The following CUL1 variants were observed in gnomAD, a reference collection of about 807,000 sequenced individuals.
The protein encoded by CUL1 is cullin-1.
A neutral mutation model predicts 118.0 loss-of-function variants in CUL1; 24 were observed. That is an observed-to-expected ratio of 0.20 (90% confidence interval 0.15 to 0.29). The LOEUF is 0.29. Among genes scored for constraint, CUL1 ranks in the 10% least tolerant of loss-of-function variants. The probability of loss-of-function intolerance (pLI) is 1.00; values close to 1 mark genes in which losing one functional copy is unlikely to be tolerated. For synonymous variants in CUL1, 332 were observed against 340.4 expected, an observed-to-expected ratio of 0.98 and a Z score of 0.27; for missense variants, 361 against 933.8, an observed-to-expected ratio of 0.39 and a Z score of 7.99.
At chr7:148,728,876 G>C (rs564290346) in intron 1 of CUL1, among the ~76,000 whole-genome samples, 43 of 152,294 alleles carry the variant, frequency 2.8e-4, no homozygotes, top group African/African-American at 8.4e-4. Flanking sequence ...TGAATTACTT[G>C]ACAAGGTAAC....
intron 4 of CUL1, among the ~76,000 whole-genome samples, chr7:148,758,487 C>T (rs1799731010): frequency 2.0e-5 from 3 of 152,052 alleles, no homozygotes; most frequent in South Asian, 2.1e-4. Context: ...GGCATGGTGA[C>T]GCACCTATAG....
intron 9 of CUL1, among the ~76,000 whole-genome samples, chr7:148,773,395 G>A (rs1252546878): frequency 1.3e-5 from 2 of 152,010 alleles, no homozygotes; most frequent in African/African-American, 4.8e-5. Context: ...CTTCTAGAAA[G>A]AGCTGACCTT....
At chr7:148,734,847 A>G (rs904017317) in intron 2 of CUL1, among the ~76,000 whole-genome samples, 1 of 152,102 alleles carries the variant, frequency 6.6e-6, no homozygotes, top group African/African-American at 2.4e-5. Flanking sequence ...TCTTGTTTCC[A>G]GGTCAGGTAC....
intron 21 of CUL1, 112 bp downstream of exon 21, chr7:148,799,500 G>A (rs1801317394): frequency 1.5e-6 from 1 of 679,784 alleles, no homozygotes; most frequent in East Asian, 2.7e-5. Flanking sequence ...TGGCTTCTTT[G>A]TATGTAGATT....
chr7:148,764,961 C>T (rs1379946368), intron 7 of CUL1, among the ~76,000 whole-genome samples: 1 of 152,180 alleles, frequency 6.6e-6, no homozygotes, highest in Non-Finnish European at 1.5e-5. Context: ...ATTAACTGAA[C>T]ATATAATAAC....
chr7:148,795,614 A>C (rs1484764263), intron 17 of CUL1, among the ~76,000 whole-genome samples: 1 of 151,922 alleles, frequency 6.6e-6, no homozygotes, highest in Non-Finnish European at 1.5e-5. Flanking sequence ...AAAATACAAA[A>C]ACAAAATTAG....
intron 2 of CUL1, among the ~76,000 whole-genome samples, chr7:148,734,818 G>C (rs1213253064): frequency 6.6e-6 from 1 of 152,056 alleles, no homozygotes; most frequent in Admixed American, 6.6e-5. Context: ...CATTGTTCTG[G>C]GCTCCAGACC....
chr7:148,729,506 T>A (rs1238456540), intron 1 of CUL1, among the ~76,000 whole-genome samples: 1 of 152,222 alleles, frequency 6.6e-6, no homozygotes, highest in East Asian at 1.9e-4. Context: ...CACCAACATT[T>A]GCATTCTTGC....
In CUL1 at chr7:148,800,672, G is replaced by A. The variant is rs554090746; in HGVS notation, c.*90G>A. The A allele has an allele frequency of 9.9e-6, 10 of 1,011,170 alleles. No individual in the cohort carries two copies. In the Admixed American group the frequency reaches 1.7e-4, roughly 17 times the overall value. The allele number at this position is 1,011,170 out of a possible 1,614,324, so 62.6% of individuals were successfully genotyped here. A position where few individuals can be genotyped will look rare whatever the true frequency, so the allele number is the denominator to read the frequency against. On this transcript the variant is annotated 3_prime_UTR_variant, in exon 22 of 22. Coordinates refer to ENST00000325222, the MANE Select transcript of CUL1 (RefSeq NM_003592.3). This position sits in a 1 kb window ranked among gnomAD's most constrained non-coding sequence, Gnocchi z 4.6. ...AACTCAAGTTCATAGCAGCCAGCCT[G>A]CCGCCATTGGACCTCCCTTTTAAAA... is the stretch of plus-strand genomic sequence containing the variant.
intron 7 of CUL1, among the ~76,000 whole-genome samples, chr7:148,762,716 C>G (rs1406994018): frequency 6.6e-6 from 1 of 152,230 alleles, no homozygotes; most frequent in African/African-American, 2.4e-5. Context: ...CGAGCCTGTT[C>G]TTTTTATGGG....
rs1799409017 is a variant in CUL1 at position 148,749,380 on chromosome 7, C to T, written c.141-4596C>T. On this transcript the variant is annotated intron_variant, in intron 2 of 21. Transcript: ENST00000325222. ...TCAGTGAGCCAAGATTGTGCCACAGCTCTCCAGCCTGGGCAACAGAGTGAG... is the reference window on the plus strand; with the variant it reads ...TCAGTGAGCCAAGATTGTGCCACAGTTCTCCAGCCTGGGCAACAGAGTGAG... Among the ~76,000 whole-genome samples the T allele has an allele frequency of 2.9e-5, 4 of 139,088 alleles. No homozygotes were observed. The South Asian group carries it at 9.1e-4, about 32-fold the overall frequency. 91.2% of individuals were successfully genotyped at this position (139,088 alleles called of 152,430 possible).
At position 148,800,117 on chromosome 7, in the gene CUL1, C is replaced by T. The variant is rs1185686793; in HGVS notation, c.2251-385C>T. ...GGCACAGGTGCCAGTTCGTTCATGG[C>T]TGTTCAGGGAGTTCCCCACAGTCCC... On this transcript the variant is annotated intron_variant, in intron 21 of 21. Transcript: ENST00000325222. The surrounding 1 kb of genome is among the most constrained non-coding windows in gnomAD (Gnocchi z 4.6). Among the ~76,000 whole-genome samples, 1 of 152,194 alleles carries T rather than the reference C, an allele frequency of 6.6e-6. No homozygotes were observed. Among genetic ancestry groups the T allele is most frequent in the African/African-American group, 2.4e-5 (1 of 41,444 alleles).
In CUL1 at chr7:148,801,051, T is replaced by G. The variant is rs1476540005; in HGVS notation, c.*469T>G. On this transcript the variant is annotated 3_prime_UTR_variant, in exon 22 of 22. Transcript: ENST00000325222. ...TTTCTGTACAAGTCGCATTGGGTTT[T>G]GTTTTAAGTTTTACTAATTTCTATA... is the stretch of plus-strand genomic sequence containing the variant. The G allele has an allele frequency of 6.5e-6, 1 of 152,912 alleles. No individual in the cohort carries two copies. The highest frequency in any genetic ancestry group is 2.4e-5 in the African/African-American group (1 of 41,444). The allele number at this position is 152,912 out of a possible 1,614,324, so 9.5% of individuals were successfully genotyped here.
In CUL1 at chr7:148,760,475, A is replaced by C. The variant is rs6952366; in HGVS notation, c.768A>C (p.Pro256=). The change falls in exon 7 of 22, where the codon CCA becomes CCC. Residue 256 remains proline, a synonymous_variant. Coordinates refer to ENST00000325222, the MANE Select transcript of CUL1 (RefSeq NM_003592.3). ...RESTEFLQQN[P]VTEYMKKAEA... is the part of the protein sequence containing the mutation. ...GTACTGAATTCTTGCAGCAGAACCCAGTTACTGAATATATGAAAAAGGTAA... is the reference window on the plus strand; with the variant it reads ...GTACTGAATTCTTGCAGCAGAACCCCGTTACTGAATATATGAAAAAGGTAA... 4 of 1,609,740 alleles carry C rather than the reference A, an allele frequency of 2.5e-6. No homozygotes were observed. Among genetic ancestry groups the C allele is most frequent in the Non-Finnish European group, 3.4e-6 (4 of 1,178,640 alleles).
chr7:148,706,917 G>A (rs1193025770), intron 1 of CUL1, among the ~76,000 whole-genome samples: 2 of 152,122 alleles, frequency 1.3e-5, no homozygotes, highest in African/African-American at 4.8e-5. Flanking sequence ...GGGAATAGGA[G>A]GGAAGATCTG....
At chr7:148,788,401 A>G (rs1563169769) in intron 13 of CUL1, among the ~76,000 whole-genome samples, 156 bp from the exon 14 acceptor site, 3 of 152,204 alleles carry the variant, frequency 2.0e-5, no homozygotes, top group Non-Finnish European at 2.9e-5. Flanking sequence ...TAATCCATGC[A>G]TATTTGTACT....
chr7:148,751,792 T>C lies in CUL1; in HGVS notation c.141-2184T>C, dbSNP rs891709774. On this transcript the variant is annotated intron_variant, in intron 2 of 21. Transcript: ENST00000325222. ...CATCAAAAACAAATGGCAGAGCAAA[T>C]GTACATATTACAGTTTGTATAATTT... Among the ~76,000 whole-genome samples, 14 of 151,842 alleles carry C rather than the reference T, an allele frequency of 9.2e-5. No homozygotes were observed. The South Asian group carries it at 2.1e-3, about 22-fold the overall frequency.
intron 2 of CUL1, among the ~76,000 whole-genome samples, chr7:148,732,116 C>T (rs1798782516): frequency 6.6e-6 from 1 of 152,052 alleles, no homozygotes; most frequent in African/African-American, 2.4e-5. Flanking sequence ...TATTATGCCC[C>T]CAACAGGGTT....
At chr7:148,766,021 CT>C (rs1799991570) in intron 7 of CUL1, among the ~76,000 whole-genome samples, 1 of 152,156 alleles carries the variant, frequency 6.6e-6, no homozygotes, top group African/African-American at 2.4e-5. Context: ...TGTTAGGGCA[CT>C]TAAAAAGGAA....
Sources: allele counts gnomAD v4.1 joint callset (sites outside exome capture counted in the v4.1 genomes callset), GRCh38; gene constraint gnomAD v4.1.1; non-coding constraint Gnocchi (gnomAD v3.1); transcripts MANE v1.5; gene names NCBI Gene and HGNC (gene_info 2026-07-23, HGNC 2026-07-21).